Variants in CDH8 observed in about 807,000 individuals in gnomAD.
CDH8 encodes the protein cadherin-8.
Under a neutral mutation model 68.1 loss-of-function variants are expected in CDH8, and 17 were observed. The observed-to-expected ratio is 0.25, with a 90% CI of 0.17 to 0.37. CDH8 has a LOEUF of 0.37. Among genes scored for constraint, CDH8 ranks in the 10% least tolerant of loss-of-function variants. CDH8 has a pLI of 1.00. For missense variants in CDH8, 763 were observed against 999.3 expected, an observed-to-expected ratio of 0.76 and a Z score of 3.19; for synonymous variants, 372 against 365.1, an observed-to-expected ratio of 1.02 and a Z score of -0.21.
intron 2 of CDH8, among the ~76,000 whole-genome samples, chr16:62,012,108 T>G (rs1172173381): frequency 6.6e-6 from 1 of 152,232 alleles, no homozygotes; most frequent in Non-Finnish European, 1.5e-5. Context: ...TACCACTGTC[T>G]AGCAAACATT....
intron 8 of CDH8, among the ~76,000 whole-genome samples, chr16:61,750,275 C>T (rs1296501505): frequency 6.6e-6 from 1 of 152,080 alleles, no homozygotes; most frequent in Admixed American, 6.6e-5. Context: ...ACTACGCAGT[C>T]TCTCAAGGTA....
intron 2 of CDH8, among the ~76,000 whole-genome samples, chr16:61,903,981 T>C (rs1964024285): frequency 6.6e-6 from 1 of 152,038 alleles, no homozygotes; most frequent in Non-Finnish European, 1.5e-5. Flanking sequence ...GGTATATACG[T>C]CCTCTTTCTT....
At chr16:61,781,581 A>AAG (rs1424119032) in intron 8 of CDH8, among the ~76,000 whole-genome samples, 5 of 152,156 alleles carry the variant, frequency 3.3e-5, no homozygotes, top group Non-Finnish European at 7.3e-5. Context: ...GCCTGGGCAA[A>AAG]AGAGAGAGAT....
At chr16:61,964,200 C>T (rs752235670) in intron 2 of CDH8, among the ~76,000 whole-genome samples, 20 of 152,176 alleles carry the variant, frequency 1.3e-4, no homozygotes, top group Non-Finnish European at 2.5e-4. Flanking sequence ...GTATTAAACA[C>T]TGAAATAATT....
At chr16:61,824,150 T>C (rs896314147) in intron 5 of CDH8, among the ~76,000 whole-genome samples, 1 of 151,826 alleles carries the variant, frequency 6.6e-6, no homozygotes, top group Non-Finnish European at 1.5e-5. Context: ...GAGGATATTA[T>C]GTTAAGTGAA....
intron 10 of CDH8, among the ~76,000 whole-genome samples, chr16:61,681,605 T>C (rs1596861494): frequency 6.6e-6 from 1 of 151,756 alleles, no homozygotes; most frequent in Middle Eastern, 3.4e-3. Context: ...ATGGTGCTGA[T>C]GGTTGCACAG....
At chr16:61,903,792 T>C (rs1464837056) in intron 2 of CDH8, among the ~76,000 whole-genome samples, 1 of 152,144 alleles carries the variant, frequency 6.6e-6, no homozygotes, top group Non-Finnish European at 1.5e-5. Context: ...CGAAAATTAT[T>C]AAAACAGAGA....
intron 4 of CDH8, among the ~76,000 whole-genome samples, chr16:61,853,371 TATTGAA>T (rs1220612146): frequency 6.6e-6 from 1 of 152,162 alleles, no homozygotes; most frequent in Non-Finnish European, 1.5e-5. Context: ...TATTTTTTGT[TATTGAA>T]AATATGATAA....
chr16:61,895,790 A>G (rs1963859464), intron 3 of CDH8, among the ~76,000 whole-genome samples: 1 of 152,216 alleles, frequency 6.6e-6, no homozygotes, highest in African/African-American at 2.4e-5. Flanking sequence ...ATACTGGTAG[A>G]AGTAAGTCAC....
At chr16:62,001,170 G>A (rs569134307) in intron 2 of CDH8, among the ~76,000 whole-genome samples, 30 of 152,228 alleles carry the variant, frequency 2.0e-4, no homozygotes, top group African/African-American at 6.5e-4. Flanking sequence ...AGACAAAGCC[G>A]ACTGGAAGAA....
intron 2 of CDH8, among the ~76,000 whole-genome samples, chr16:62,003,817 A>G (rs1965931868): frequency 1.3e-5 from 2 of 152,214 alleles, no homozygotes; most frequent in African/African-American, 4.8e-5. Context: ...CCATCATTTT[A>G]TTCTACTTTT....
chr16:61,724,890 T>C (rs143033048), intron 9 of CDH8, among the ~76,000 whole-genome samples: 7 of 150,950 alleles, frequency 4.6e-5, no homozygotes, highest in Admixed American at 4.0e-4. Flanking sequence ...ATATAAAAAT[T>C]AGATCATTGA....
intron 6 of CDH8, 172 bp from the exon 7 acceptor site, chr16:61,817,904 T>C: frequency 1.8e-6 from 1 of 547,196 alleles, no homozygotes; most frequent in Non-Finnish European, 3.2e-6. Flanking sequence ...GGGCATTTAT[T>C]TATGTCTGTT....
At chr16:61,733,260 T>G (rs1378200173) in intron 8 of CDH8, among the ~76,000 whole-genome samples, 1 of 151,816 alleles carries the variant, frequency 6.6e-6, no homozygotes, top group East Asian at 1.9e-4. Flanking sequence ...CACTAAAAAC[T>G]TACAAATATT....
chr16:61,798,664 T>C (rs1476471036), intron 7 of CDH8, among the ~76,000 whole-genome samples: 2 of 152,184 alleles, frequency 1.3e-5, no homozygotes, highest in Non-Finnish European at 2.9e-5. Context: ...ATGAGGCTGT[T>C]ATCACTACTC....
chr16:61,781,381 T>G (rs1225023242), intron 8 of CDH8, among the ~76,000 whole-genome samples: 1 of 151,606 alleles, frequency 6.6e-6, no homozygotes, highest in African/African-American at 2.4e-5. Context: ...TCAGTGGAGG[T>G]GAGGAGTTAA....
At chr16:61,863,863 G>C (rs911919769) in intron 3 of CDH8, among the ~76,000 whole-genome samples, 2 of 152,144 alleles carry the variant, frequency 1.3e-5, no homozygotes, top group African/African-American at 4.8e-5. Context: ...ATTATCATCT[G>C]AAAATGTCTT....
intron 8 of CDH8, among the ~76,000 whole-genome samples, chr16:61,751,777 T>C (rs1460579172): frequency 1.3e-5 from 2 of 152,172 alleles, no homozygotes; most frequent in Non-Finnish European, 2.9e-5. Flanking sequence ...TACATTGAGT[T>C]GTGGTGGACT....
intron 3 of CDH8, among the ~76,000 whole-genome samples, chr16:61,871,664 T>C (rs906066595): frequency 1.9e-4 from 28 of 151,142 alleles, no homozygotes; most frequent in African/African-American, 6.5e-4. Flanking sequence ...AAAACCTTAA[T>C]TGTTAAAAAC....
Sources: allele counts gnomAD v4.1 joint callset (sites outside exome capture counted in the v4.1 genomes callset), GRCh38; gene constraint gnomAD v4.1.1; transcripts MANE v1.5; gene names NCBI Gene and HGNC (gene_info 2026-07-23, HGNC 2026-07-21).